Variants in PERM1 observed in about 807,000 individuals in gnomAD.
PERM1 encodes PGC-1 and ERR-induced regulator in muscle protein 1.
In PERM1, 45 loss-of-function variants were observed where a neutral mutation model predicts 44.1. That is an observed-to-expected ratio of 1.02 (90% CI 0.80 to 1.31). The LOEUF is 1.31. Ranked by LOEUF, PERM1 falls within the 50% of genes most tolerant of loss-of-function variation. PERM1 has a pLI of 0.00. For synonymous variants in PERM1, 565 were observed against 477.1 expected, an observed-to-expected ratio of 1.18 and a Z score of -2.40; for missense variants, 1,189 against 1,106.9, an observed-to-expected ratio of 1.07 and a Z score of -1.05.
chr1:979,652 G>T (rs573197477), exon 1 of PERM1: 4 of 1,550,278 alleles, frequency 2.6e-6, no homozygotes, highest in South Asian at 2.4e-5. Flanking sequence ...CGGGTGGGAG[G>T]CCAGGCGAGG....
exon 1 of PERM1, chr1:980,628 A>G: frequency 1.4e-6 from 2 of 1,444,394 alleles, no homozygotes; most frequent in Non-Finnish European, 1.8e-6. Context: ...TCTGGTCTCC[A>G]GAAGACGCCG....
exon 3 of PERM1, chr1:976,126 T>A: frequency 6.5e-7 from 1 of 1,530,198 alleles, no homozygotes; most frequent in Non-Finnish European, 8.8e-7. Context: ...CCTGGGCGCC[T>A]GTGGTCGTCT....
chr1:980,449 C>G, exon 1 of PERM1: 2 of 1,541,232 alleles, frequency 1.3e-6, no homozygotes, highest in Non-Finnish European at 1.8e-6. Flanking sequence ...TCCTGTGTGC[C>G]CACCCCCCTT....
At chr1:980,982 G>A (rs1643781112) in exon 1 of PERM1, 13 of 1,481,774 alleles carry the variant, frequency 8.8e-6, no homozygotes, top group South Asian at 2.6e-5. Context: ...CTGAGAACTC[G>A]GCCCAGTCCT....
chr1:976,259 G>A (rs1424352042), exon 3 of PERM1: 3 of 1,520,484 alleles, frequency 2.0e-6, no homozygotes, highest in Non-Finnish European at 2.6e-6. Flanking sequence ...TGCCGACGTT[G>A]GCCAGCAAGG....
At chr1:979,358 G>A in exon 1 of PERM1, 1 of 1,511,340 alleles carries the variant, frequency 6.6e-7, no homozygotes, top group South Asian at 1.3e-5. Context: ...CGAGGCAGGT[G>A]CTTGAGGATC....
chr1:976,062 C>T (rs1045129272), exon 3 of PERM1: 21 of 1,092,290 alleles, frequency 1.9e-5, no homozygotes, highest in African/African-American at 4.8e-5. Flanking sequence ...CCCTCCTGGA[C>T]GCGGTAGAAG....
chr1:978,996 G>T lies in PERM1; in HGVS notation c.2034C>A (p.Val678=), dbSNP rs372753735. 2.6e-4 allele frequency: 398 copies of T among 1,529,016 alleles called. 2 individuals carry two copies. The African/African-American group carries it at 5.1e-3, about 20-fold the overall frequency. 94.7% of individuals were successfully genotyped at this position (1,529,016 alleles called of 1,614,324 possible). Residue 678 remains valine, a synonymous_variant, in exon 1 of 3, where the codon GTC becomes GTA. Transcript: ENST00000433179. ...GCTCCAGGGCCTGCAGTGGGAGCGG[G>T]ACAGCCGGCCCCAGCACGCCCTCAA...
At chr1:979,429 G>A (rs544697058) in exon 1 of PERM1, 56 of 1,531,600 alleles carry the variant, frequency 3.7e-5, no homozygotes, top group Non-Finnish European at 4.5e-5. Flanking sequence ...CCCCCCGTGG[G>A]CCCCAGTTGC....
exon 1 of PERM1, chr1:979,734 C>T (rs1042171770): frequency 5.7e-5 from 88 of 1,550,210 alleles, no homozygotes; most frequent in African/African-American, 3.0e-4. Flanking sequence ...GCACAGCCTC[C>T]GAGACAGGTG....
At chr1:978,995 G>A in exon 1 of PERM1, 1 of 1,528,768 alleles carries the variant, frequency 6.5e-7, no homozygotes, top group Non-Finnish European at 8.8e-7. Context: ...AGTGGGAGCG[G>A]GACAGCCGGC....
At chr1:980,073 G>A (rs531767214) in exon 1 of PERM1, 6 of 1,549,646 alleles carry the variant, frequency 3.9e-6, no homozygotes, top group Non-Finnish European at 4.4e-6. Context: ...GCGGCTCGGA[G>A]GCAGGTGTAG....
exon 1 of PERM1, chr1:978,896 C>A: frequency 6.7e-7 from 1 of 1,493,806 alleles, no homozygotes; most frequent in Non-Finnish European, 8.9e-7. Context: ...CGTCTAAGAG[C>A]CAGGTGGAGC....
At chr1:979,254 G>A (rs1261580971) in exon 1 of PERM1, 26 of 1,549,898 alleles carry the variant, frequency 1.7e-5, no homozygotes, top group South Asian at 1.2e-4. Context: ...CGTTCTCCTC[G>A]ATGGTGTCAC....
At chr1:980,552 G>A (rs999425958) in exon 1 of PERM1, 1 of 1,460,210 alleles carries the variant, frequency 6.8e-7, no homozygotes, top group Admixed American at 2.8e-5. Context: ...CTGTGGCCAG[G>A]GGACTTGGGA....
At chr1:982,021 T>C (rs151100411), upstream of PERM1, 268 of 1,284,678 alleles carry the variant, frequency 2.1e-4, 1 homozygote, top group Middle Eastern at 3.9e-3. Context: ...GTTGTTACCA[T>C]TGGGGCCCCT....
At chr1:976,511 C>A in exon 2 of PERM1, 4 of 1,549,552 alleles carry the variant, frequency 2.6e-6, no homozygotes, top group South Asian at 2.4e-5. Context: ...GTTTTCCAGG[C>A]GTCTGGGGTA....
chr1:975,846 G>C (rs866101532), exon 3 of PERM1: 1 of 313,790 alleles, frequency 3.2e-6, no homozygotes, highest in African/African-American at 2.2e-5. Flanking sequence ...CAACTTCTTA[G>C]TAAAATGACC....
chr1:979,299 G>C, exon 1 of PERM1: 2 of 1,544,226 alleles, frequency 1.3e-6, no homozygotes, highest in Non-Finnish European at 8.7e-7. Context: ...GGAGGGTCAC[G>C]GCAAAGCTGC....
Sources: allele counts gnomAD v4.1 joint callset, GRCh38; gene constraint gnomAD v4.1.1; transcripts MANE v1.5; gene names NCBI Gene and HGNC (gene_info 2026-07-23, HGNC 2026-07-21).